Variants in UNC13C observed in about 807,000 individuals in gnomAD.
UNC13C encodes protein unc-13 homolog C.
A neutral mutation model predicts 245.4 loss-of-function variants in UNC13C; 174 were observed. The observed-to-expected ratio is 0.71, with a 90% CI of 0.63 to 0.80. The LOEUF is 0.80. UNC13C is among the 30% of genes least tolerant of loss of function. The probability of loss-of-function intolerance (pLI) is 0.00; values close to 1 mark genes in which losing one functional copy is unlikely to be tolerated. For synonymous variants in UNC13C, 992 were observed against 895.1 expected (o/e 1.11, Z -1.93); for missense variants, 2,829 against 2,602.9 (o/e 1.09, Z -1.89).
At chr15:54,018,457 A>G (rs958893483) in intron 2 of UNC13C, among the ~76,000 whole-genome samples, 3 of 152,220 alleles carry the variant, frequency 2.0e-5, no homozygotes, top group African/African-American at 4.8e-5. Context: ...GAAAACTCCA[A>G]TGTTTATAGA....
intron 16 of UNC13C, among the ~76,000 whole-genome samples, chr15:54,337,337 C>G (rs1176578803): frequency 6.6e-6 from 1 of 152,074 alleles, no homozygotes; most frequent in East Asian, 1.9e-4. Context: ...TATCTCTAAC[C>G]AGAACTTTTC....
At chr15:53,989,394 A>G (rs1414100045) in intron 1 of UNC13C, among the ~76,000 whole-genome samples, 1 of 151,790 alleles carries the variant, frequency 6.6e-6, no homozygotes, top group Non-Finnish European at 1.5e-5. Context: ...CTGGTAGGAA[A>G]TTCGTGGATT....
chr15:53,982,433 T>C (rs1007233654), intron 1 of UNC13C, among the ~76,000 whole-genome samples: 8 of 152,090 alleles, frequency 5.3e-5, no homozygotes, highest in Non-Finnish European at 8.8e-5. Flanking sequence ...GCTATTTCCT[T>C]TATAGGTGGG....
chr15:54,432,792 A>G (rs866120695), intron 19 of UNC13C, among the ~76,000 whole-genome samples: 2 of 152,132 alleles, frequency 1.3e-5, no homozygotes, highest in Non-Finnish European at 2.9e-5. Context: ...ACACTTCAAA[A>G]AAATCAATGA....
the UNC13C span, among the ~76,000 whole-genome samples, chr15:53,872,155 C>T: frequency 1.3e-5 from 2 of 152,158 alleles, no homozygotes; most frequent in African/African-American, 4.8e-5. Flanking sequence ...CTTTGTTTCA[C>T]ATTCAGTAGA....
chr15:53,874,557 G>A, the UNC13C span, among the ~76,000 whole-genome samples: 2 of 152,292 alleles, frequency 1.3e-5, no homozygotes, highest in East Asian at 3.9e-4. Context: ...GCGGGTGAGA[G>A]ATCCTTTACC....
the UNC13C span, chr15:53,911,164 C>T: frequency 6.6e-6 from 1 of 152,178 alleles, no homozygotes; most frequent in Admixed American, 6.5e-5. Context: ...TAAGGGACCT[C>T]CCAGGACAAG....
At chr15:54,216,932 A>G (rs1463838961) in intron 4 of UNC13C, among the ~76,000 whole-genome samples, 1 of 151,992 alleles carries the variant, frequency 6.6e-6, no homozygotes, top group Non-Finnish European at 1.5e-5. Flanking sequence ...TCTTACTGTG[A>G]GATGGCATGT....
chr15:54,515,919 T>G (rs1259277589), intron 24 of UNC13C, among the ~76,000 whole-genome samples: 1 of 152,222 alleles, frequency 6.6e-6, no homozygotes, highest in East Asian at 1.9e-4. Context: ...GAGAGTAACT[T>G]CACATAAGTC....
At chr15:53,865,986 CA>C in the UNC13C span, among the ~76,000 whole-genome samples, 1 of 151,758 alleles carries the variant, frequency 6.6e-6, no homozygotes, top group African/African-American at 2.4e-5. Context: ...TAAAAGATGG[CA>C]AAAACAAAAC....
chr15:54,060,822 C>T (rs1037518025), intron 2 of UNC13C, among the ~76,000 whole-genome samples: 1 of 152,064 alleles, frequency 6.6e-6, no homozygotes, highest in Non-Finnish European at 1.5e-5. Context: ...TTTGTAGGGA[C>T]ATGGATGAAG....
chr15:54,597,033 C>A (rs1176242858), intron 30 of UNC13C, among the ~76,000 whole-genome samples: 1 of 152,168 alleles, frequency 6.6e-6, no homozygotes, highest in African/African-American at 2.4e-5. Context: ...TGTTCCCAAT[C>A]TTTTTGGCGC....
At chr15:54,607,007 T>G (rs1208740136) in intron 30 of UNC13C, among the ~76,000 whole-genome samples, 1 of 152,224 alleles carries the variant, frequency 6.6e-6, no homozygotes, top group Admixed American at 6.5e-5. Context: ...GACTATTTCC[T>G]GTGGAGAAAT....
chr15:54,292,000 C>T (rs1488726706), intron 10 of UNC13C, among the ~76,000 whole-genome samples: 1 of 151,970 alleles, frequency 6.6e-6, no homozygotes, highest in East Asian at 1.9e-4. Context: ...ATGAATGTGA[C>T]CATTTCAAAT....
chr15:54,584,570 T>C (rs1269508213), intron 30 of UNC13C, among the ~76,000 whole-genome samples: 2 of 152,034 alleles, frequency 1.3e-5, no homozygotes, highest in Non-Finnish European at 2.9e-5. Flanking sequence ...TTCAAAAGAG[T>C]AAAAGAATAG....
intron 19 of UNC13C, among the ~76,000 whole-genome samples, chr15:54,435,359 A>G (rs1034324088): frequency 6.6e-6 from 1 of 152,162 alleles, no homozygotes; most frequent in Non-Finnish European, 1.5e-5. Context: ...CTGGATAAAG[A>G]AAATGTGGCA....
chr15:54,570,671 A>G (rs1897714730), intron 30 of UNC13C, among the ~76,000 whole-genome samples: 1 of 152,212 alleles, frequency 6.6e-6, no homozygotes, highest in African/African-American at 2.4e-5. Flanking sequence ...TTAGCCAACA[A>G]TACACCCTTT....
chr15:54,032,325 C>A (rs1447807702), intron 2 of UNC13C, among the ~76,000 whole-genome samples: 1 of 152,194 alleles, frequency 6.6e-6, no homozygotes, highest in Admixed American at 6.5e-5. Context: ...TAGGAAAACA[C>A]TCCTTTGATT....
intron 22 of UNC13C, among the ~76,000 whole-genome samples, chr15:54,502,842 C>A (rs546169): frequency 0.65 from 98,746 of 151,902 alleles, 32,426 homozygotes; most frequent in Middle Eastern, 0.74. Flanking sequence ...GTAAGTTGGG[C>A]GACATGAGTG....
Sources: allele counts gnomAD v4.1 joint callset (sites outside exome capture counted in the v4.1 genomes callset), GRCh38; gene constraint gnomAD v4.1.1; transcripts MANE v1.5; gene names NCBI Gene and HGNC (gene_info 2026-07-23, HGNC 2026-07-21).